The following LARGE1 variants were observed in gnomAD, a reference collection of about 807,000 sequenced individuals.
LARGE1 encodes the protein LARGE xylosyl- and glucuronyltransferase 1.
LARGE1 carries 43 observed loss-of-function variants against 87.6 expected under a neutral mutation model. The ratio of observed to expected loss-of-function variants is 0.49; its 90% CI spans 0.38 to 0.63. The LOEUF (loss-of-function observed/expected upper bound fraction) is 0.63, where lower values mean the gene tolerates loss of function less well. Among genes scored for constraint, LARGE1 ranks in the 30% least tolerant of loss-of-function variants. The pLI, the probability that LARGE1 is intolerant of heterozygous loss-of-function variation, is 0.00. For missense variants in LARGE1, 802 were observed against 1,000.2 expected (o/e 0.80, Z 2.67); for synonymous variants, 434 against 394.6 (o/e 1.10, Z -1.18).
the LARGE1 span, among the ~76,000 whole-genome samples, chr22:33,084,702 T>C: frequency 6.6e-6 from 1 of 152,152 alleles, no homozygotes; most frequent in Non-Finnish European, 1.5e-5. Context: ...GCCACATATG[T>C]AATTTTAAAT....
intron 1 of LARGE1, among the ~76,000 whole-genome samples, chr22:33,891,520 T>G (rs2065006655): frequency 6.6e-6 from 1 of 152,154 alleles, no homozygotes; most frequent in Non-Finnish European, 1.5e-5. Flanking sequence ...AATACGATGT[T>G]ACTGCATGAC....
the LARGE1 span, among the ~76,000 whole-genome samples, chr22:33,115,427 G>A: frequency 6.6e-6 from 1 of 150,692 alleles, no homozygotes; most frequent in Admixed American, 6.6e-5. Flanking sequence ...TCCTGCCTGG[G>A]CGATAGAGTG....
intron 2 of LARGE1, among the ~76,000 whole-genome samples, chr22:33,667,006 T>C (rs1428523663): frequency 2.0e-5 from 3 of 152,158 alleles, no homozygotes; most frequent in Non-Finnish European, 4.4e-5. Flanking sequence ...TCCCAAAATA[T>C]GCCATTTGTC....
chr22:33,912,919 C>A (rs528597470), intron 1 of LARGE1, among the ~76,000 whole-genome samples: 19 of 151,712 alleles, frequency 1.3e-4, no homozygotes, highest in African/African-American at 4.3e-4. Context: ...TAACCTCCGT[C>A]TCTGGAGTTC....
upstream of LARGE1, among the ~76,000 whole-genome samples, chr22:33,921,986 G>A (rs1210492984): frequency 6.6e-6 from 1 of 152,008 alleles, no homozygotes; most frequent in Non-Finnish European, 1.5e-5. This position sits in a 1 kb window ranked among gnomAD's most constrained non-coding sequence, Gnocchi z 4.1. Context: ...CTCGGAGACC[G>A]GAGCTCCGGG....
intron 6 of LARGE1, among the ~76,000 whole-genome samples, chr22:33,450,115 T>G (rs2067851894): frequency 6.6e-6 from 1 of 151,960 alleles, no homozygotes; most frequent in African/African-American, 2.4e-5. Context: ...TTTTGCCATG[T>G]TGGCCAGGCT....
At chr22:33,387,964 A>G (rs530385849) in intron 7 of LARGE1, among the ~76,000 whole-genome samples, 1 of 152,338 alleles carries the variant, frequency 6.6e-6, no homozygotes, top group African/African-American at 2.4e-5. Context: ...CCTCAAAGGC[A>G]GCCAGTATTC....
chr22:33,737,807 C>T (rs1243728184), intron 2 of LARGE1: 1 of 152,058 alleles, frequency 6.6e-6, no homozygotes, highest in African/African-American at 2.4e-5. Flanking sequence ...TGGCTGGATT[C>T]TAGGGAGATG....
At chr22:33,085,772 C>G in the LARGE1 span, among the ~76,000 whole-genome samples, 1 of 152,132 alleles carries the variant, frequency 6.6e-6, no homozygotes, top group Non-Finnish European at 1.5e-5. Context: ...CACAAATAAA[C>G]CTTTTCGTTC....
chr22:33,687,260 G>T (rs1170259358), intron 2 of LARGE1, among the ~76,000 whole-genome samples: 1 of 150,714 alleles, frequency 6.6e-6, no homozygotes, highest in African/African-American at 2.4e-5. Context: ...CTCTCCAAGT[G>T]TTAGGATTAC....
chr22:33,792,794 C>T (rs984422976), intron 1 of LARGE1, among the ~76,000 whole-genome samples: 2 of 152,170 alleles, frequency 1.3e-5, no homozygotes, highest in African/African-American at 2.4e-5. Flanking sequence ...TTCTCTCCCC[C>T]ATTCTTAGCC....
the LARGE1 span, among the ~76,000 whole-genome samples, chr22:33,072,781 T>C: frequency 4.6e-5 from 7 of 152,104 alleles, no homozygotes; most frequent in Non-Finnish European, 1.0e-4. Flanking sequence ...AAATCCAAAC[T>C]CAGTGTCACC....
In LARGE1 at chr22:33,273,440, C is replaced by T. The variant is rs1056279155; in HGVS notation, c.*987G>A. 24 of 398,440 alleles carry T rather than the reference C, an allele frequency of 6.0e-5. No individual in the cohort carries two copies. The highest frequency in any genetic ancestry group is 9.3e-5 in the Non-Finnish European group (21 of 226,062). 24.7% of individuals were successfully genotyped at this position (398,440 alleles called of 1,614,324 possible). A position where few individuals can be genotyped will look rare whatever the true frequency, so the allele number is the denominator to read the frequency against. ...GCTTTCATGAATTATGAAAGTTCTT[C>T]GAAAGGCCTGAGAGGTTCGTACCTT... On this transcript the variant is annotated 3_prime_UTR_variant, in exon 15 of 15. Transcript: ENST00000397394.
intron 6 of LARGE1, among the ~76,000 whole-genome samples, chr22:33,463,974 T>A (rs930450584): frequency 1.3e-5 from 2 of 152,158 alleles, no homozygotes; most frequent in African/African-American, 4.8e-5. Flanking sequence ...GCACCCGTTT[T>A]ATTTACGTTT....
At chr22:33,068,029 T>G in the LARGE1 span, among the ~76,000 whole-genome samples, 1 of 151,984 alleles carries the variant, frequency 6.6e-6, no homozygotes, top group African/African-American at 2.4e-5. Flanking sequence ...TCCTGTCTTG[T>G]GAGATGATCA....
intron 7 of LARGE1, among the ~76,000 whole-genome samples, chr22:33,425,106 AC>A (rs1427824749): frequency 6.6e-6 from 1 of 152,052 alleles, no homozygotes; most frequent in Non-Finnish European, 1.5e-5. Flanking sequence ...CACTAAAAAT[AC>A]AAAAATTAGC....
chr22:33,079,956 T>C, the LARGE1 span, among the ~76,000 whole-genome samples: 1 of 152,198 alleles, frequency 6.6e-6, no homozygotes, highest in Non-Finnish European at 1.5e-5. Flanking sequence ...ACTGTCCTCT[T>C]GCATGTGCTC....
At chr22:33,381,573 T>G (rs1291456030) in intron 9 of LARGE1, among the ~76,000 whole-genome samples, 2 of 152,136 alleles carry the variant, frequency 1.3e-5, no homozygotes, top group South Asian at 2.1e-4. Context: ...CACATCCACA[T>G]CTATAGCACC....
At chr22:33,886,640 C>G (rs2064852817) in intron 1 of LARGE1, among the ~76,000 whole-genome samples, 3 of 99,734 alleles carry the variant, frequency 3.0e-5, no homozygotes, top group South Asian at 7.4e-4. Flanking sequence ...ACCTGGACAA[C>G]AGAGTGAGAT....
Sources: gnomAD v4.1 joint callset for allele counts (sites outside exome capture counted in the v4.1 genomes callset) on GRCh38, gnomAD v4.1.1 for gene constraint, Gnocchi (gnomAD v3.1) non-coding constraint, MANE v1.5 for transcripts, NCBI Gene and HGNC (gene_info 2026-07-23, HGNC 2026-07-21) for gene names.